The following GARIN1B variants were observed in gnomAD, a reference collection of about 807,000 sequenced individuals.
GARIN1B encodes the protein golgi associated RAB2 interactor 1B.
the GARIN1B span, among the ~76,000 whole-genome samples, chr7:128,710,509 C>T: frequency 7.5e-4 from 114 of 152,204 alleles, 1 homozygote; most frequent in African/African-American, 2.6e-3. Context: ...CCAGTCAGTT[C>T]ATCTCTCTCC....
chr7:128,715,508 T>C, the GARIN1B span: 1 of 1,614,042 alleles, frequency 6.2e-7, no homozygotes, highest in Non-Finnish European at 8.5e-7. Flanking sequence ...AGTCACAAGA[T>C]CCTATCCAAC....
the GARIN1B span, chr7:128,725,207 A>G: frequency 1.3e-5 from 2 of 159,974 alleles, no homozygotes; most frequent in Non-Finnish European, 2.7e-5. Context: ...GTCACTCCAT[A>G]TATCATACAG....
chr7:128,725,807 C>A, the GARIN1B span, among the ~76,000 whole-genome samples: 4 of 149,808 alleles, frequency 2.7e-5, no homozygotes, highest in East Asian at 3.9e-4. Flanking sequence ...GACATGTACA[C>A]AACACAAAAT....
chr7:128,731,266 G>A, the GARIN1B span: 2 of 804,284 alleles, frequency 2.5e-6, no homozygotes, highest in Non-Finnish European at 4.4e-6. Flanking sequence ...AGCCTTTCCA[G>A]CTGTACATAA....
chr7:128,725,566 T>G, the GARIN1B span, among the ~76,000 whole-genome samples: 164 of 152,280 alleles, frequency 1.1e-3, no homozygotes, highest in African/African-American at 3.7e-3. Context: ...GAGATGGGGT[T>G]TCACCATGTT....
At chr7:128,721,965 G>A in the GARIN1B span, among the ~76,000 whole-genome samples, 1 of 151,750 alleles carries the variant, frequency 6.6e-6, no homozygotes, top group African/African-American at 2.4e-5. Context: ...GCCTGGTCAC[G>A]GTGTATATAC....
chr7:128,721,709 G>T, the GARIN1B span, among the ~76,000 whole-genome samples: 1 of 152,174 alleles, frequency 6.6e-6, no homozygotes, highest in Non-Finnish European at 1.5e-5. Flanking sequence ...TGTTAAGTAT[G>T]ATGCTTATTA....
the GARIN1B span, chr7:128,726,910 TCTAC>T: frequency 6.3e-7 from 1 of 1,579,054 alleles, no homozygotes; most frequent in South Asian, 1.1e-5. Context: ...CAAAGAGCTT[TCTAC>T]TCTGGATATA....
chr7:128,709,750 C>CTGTCAT, the GARIN1B span, among the ~76,000 whole-genome samples: 1 of 114,666 alleles, frequency 8.7e-6, no homozygotes, highest in African/African-American at 3.5e-5. Flanking sequence ...CTCTCTCTCT[C>CTGTCAT]TTTTTTTTTT....
the GARIN1B span, among the ~76,000 whole-genome samples, chr7:128,711,658 G>C: frequency 0.094 from 13,697 of 145,566 alleles, 1,518 homozygotes; most frequent in East Asian, 0.28. Flanking sequence ...TGGTTTTACA[G>C]ACACACACAC....
At chr7:128,729,757 AG>A in the GARIN1B span, 1 of 798,736 alleles carries the variant, frequency 1.3e-6, no homozygotes, top group Non-Finnish European at 2.0e-6. Context: ...GACCTCACAG[AG>A]GTGAGGATTA....
chr7:128,716,939 C>G, the GARIN1B span: 2 of 1,613,850 alleles, frequency 1.2e-6, no homozygotes, highest in Non-Finnish European at 8.5e-7. Context: ...CAAATGGCAC[C>G]AGGGGCAGAA....
the GARIN1B span, among the ~76,000 whole-genome samples, chr7:128,724,271 A>T: frequency 5.3e-4 from 81 of 152,324 alleles, 1 homozygote; most frequent in South Asian, 0.017. Flanking sequence ...TCAGCCTCCC[A>T]AAGTGCCAGG....
At chr7:128,715,548 T>A in the GARIN1B span, 1 of 1,614,132 alleles carries the variant, frequency 6.2e-7, no homozygotes, top group Admixed American at 1.7e-5. Flanking sequence ...TGGGAAGAAT[T>A]CAGGGGCCTC....
At chr7:128,727,613 C>A in the GARIN1B span, among the ~76,000 whole-genome samples, 1 of 152,198 alleles carries the variant, frequency 6.6e-6, no homozygotes, top group East Asian at 1.9e-4. Flanking sequence ...GCACAATCTT[C>A]CCCCATCTCA....
At chr7:128,724,667 T>C in the GARIN1B span, 1 of 1,249,056 alleles carries the variant, frequency 8.0e-7, no homozygotes, top group Non-Finnish European at 1.0e-6. Context: ...TCCTAGTGCC[T>C]ATTACTTATG....
At chr7:128,711,559 T>C in the GARIN1B span, among the ~76,000 whole-genome samples, 2 of 151,772 alleles carry the variant, frequency 1.3e-5, no homozygotes, top group African/African-American at 4.8e-5. Context: ...AAGATGAAAA[T>C]ATAGGGAAAC....
At chr7:128,731,467 T>G in the GARIN1B span, 1 of 379,630 alleles carries the variant, frequency 2.6e-6, no homozygotes, top group South Asian at 3.9e-5. Flanking sequence ...AGTCAGCAGA[T>G]GAGAGACACA....
the GARIN1B span, among the ~76,000 whole-genome samples, chr7:128,712,574 A>G: frequency 6.6e-6 from 1 of 152,234 alleles, no homozygotes. Context: ...TGACAACCAG[A>G]TGTCCTGGTA....
Sources: allele counts gnomAD v4.1 joint callset (sites outside exome capture counted in the v4.1 genomes callset), GRCh38; gene constraint gnomAD v4.1.1; transcripts MANE v1.5; gene names NCBI Gene and HGNC (gene_info 2026-07-23, HGNC 2026-07-21).